PKM: variants seen among roughly 807,000 people sequenced by gnomAD.
PKM encodes pyruvate kinase PKM.
PKM carries 18 observed loss-of-function variants against 49.8 expected under a neutral mutation model. That is an observed-to-expected ratio of 0.36 (90% CI 0.25 to 0.54). The LOEUF is 0.54. Among genes scored for constraint, PKM ranks in the 20% least tolerant of loss-of-function variants. PKM has a pLI of 0.89. For missense variants in PKM, 508 were observed against 713.8 expected, an observed-to-expected ratio of 0.71 and a Z score of 3.28; for synonymous variants, 239 against 261.8, an observed-to-expected ratio of 0.91 and a Z score of 0.84.
chr15:72,200,095 GC>G lies in PKM; in HGVS notation c.1490-340del, dbSNP rs1426583916. Among the ~76,000 whole-genome samples the G allele has an allele frequency of 1.3e-5, 2 of 151,782 alleles. No homozygotes were observed. The highest frequency in any genetic ancestry group is 1.9e-4 in the East Asian group (1 of 5,176). On this transcript the variant is annotated intron_variant, in intron 10 of 10. Coordinates refer to ENST00000335181, the MANE Select transcript of PKM (RefSeq NM_002654.6). The surrounding 1 kb of genome is among the most constrained non-coding windows in gnomAD (Gnocchi z 4.6). Reference sequence around the variant, plus strand: ...CCACATCAGTACGTAATCTGTGTATGCCACCCCACAGCACAGGAGCTGTGGC... The same window carrying G: ...CCACATCAGTACGTAATCTGTGTATGCACCCCACAGCACAGGAGCTGTGGC...
intron 1 of PKM, among the ~76,000 whole-genome samples, chr15:72,227,429 C>T (rs2082702673): frequency 6.6e-6 from 1 of 152,166 alleles, no homozygotes. Context: ...GCCAAGATAA[C>T]ACATCCTGAC....
chr15:72,230,973 T>A, intron 1 of PKM, 143 bp downstream of exon 1: 1 of 1,285,312 alleles, frequency 7.8e-7, no homozygotes, highest in Non-Finnish European at 1.0e-6. Context: ...CTCCTCTCTC[T>A]GAGCTCCACT....
At position 72,210,421 on chromosome 15, in the gene PKM, G is replaced by C; in HGVS notation, c.304C>G (p.Pro102Ala). Residue 102 changes from proline to alanine, a missense_variant, in exon 4 of 11, where the codon CCC (proline) becomes GCC (alanine). Transcript: ENST00000335181. ...ACAGCAACGGGCCGGTAGAGGATGGGGTCAGAAGCAAAGCTTTCCGTGGCT... is the reference window on the plus strand; with the variant it reads ...ACAGCAACGGGCCGGTAGAGGATGGCGTCAGAAGCAAAGCTTTCCGTGGCT... ...RTATESFASD[P>A]ILYRPVAVAL... 3 of 1,614,108 alleles carry C rather than the reference G, an allele frequency of 1.9e-6. No individual in the cohort carries two copies. The South Asian group carries it at 3.3e-5, about 18-fold the overall frequency.
At chr15:72,201,893 C>T (rs2081954730) in intron 9 of PKM, 1 of 170,042 alleles carries the variant, frequency 5.9e-6, no homozygotes, top group Non-Finnish European at 1.3e-5. Context: ...GGAAGGGATC[C>T]CAAGTTGGAG....
At chr15:72,210,026 A>G in intron 4 of PKM, 167 bp from the exon 5 acceptor site, 1 of 682,120 alleles carries the variant, frequency 1.5e-6, no homozygotes, top group Middle Eastern at 3.7e-4. Context: ...TCACGGAAAT[A>G]ATCCAAGAAA....
At chr15:72,203,058 A>G (rs763572024) in intron 8 of PKM, 14 of 1,614,194 alleles carry the variant, frequency 8.7e-6, no homozygotes, top group Non-Finnish European at 1.2e-5. Flanking sequence ...AGCTGCTGCT[A>G]AACACTTATA....
chr15:72,216,740 T>A (rs8033167), intron 3 of PKM, among the ~76,000 whole-genome samples: 1 of 152,202 alleles, frequency 6.6e-6, no homozygotes, highest in Non-Finnish European at 1.5e-5. Flanking sequence ...AGCTGCTACC[T>A]GGCTCCTGGG....
Position 72,210,391 on chromosome 15 carries a change from G to C in PKM, c.334C>G (p.Leu112Val), listed in dbSNP as rs1237034712. 8 of 1,614,174 alleles carry C rather than the reference G, an allele frequency of 5.0e-6. No individual in the cohort carries two copies. The highest frequency in any genetic ancestry group is 1.7e-5 in the Admixed American group (1 of 60,026). Residue 112 changes from leucine to valine, a missense_variant, in exon 4 of 11, where the codon CTA becomes GTA. Coordinates refer to ENST00000335181, the MANE Select transcript of PKM (RefSeq NM_002654.6). The stretch of plus-strand genomic sequence containing the variant: ...CGGATCTCAGGTCCTTTAGTGTCTA[G>C]AGCCACAGCAACGGGCCGGTAGAGG... ...PILYRPVAVA[L>V]DTKGPEIRTG...
chr15:72,230,820 T>C, intron 1 of PKM: 1 of 667,024 alleles, frequency 1.5e-6, no homozygotes, highest in Non-Finnish European at 2.2e-6. Flanking sequence ...GGAGGCGCAT[T>C]GAGGATTGGG....
intron 3 of PKM, among the ~76,000 whole-genome samples, chr15:72,212,362 CT>C (rs2082275468): frequency 1.3e-5 from 2 of 151,866 alleles, no homozygotes; most frequent in South Asian, 4.2e-4. Flanking sequence ...GTAGTCCCAG[CT>C]ATTCAGGAGG....
intron 8 of PKM, among the ~76,000 whole-genome samples, chr15:72,205,963 AG>A (rs762163824): frequency 1.7e-4 from 26 of 152,206 alleles, no homozygotes; most frequent in Non-Finnish European, 2.8e-4. Flanking sequence ...ACAAGCTGGA[AG>A]AGCCTGAAGA....
intron 2 of PKM, among the ~76,000 whole-genome samples, chr15:72,218,212 C>T (rs1400772537): frequency 6.6e-6 from 1 of 151,852 alleles, no homozygotes; most frequent in Non-Finnish European, 1.5e-5. Flanking sequence ...GCAACCTCCG[C>T]CTCCCAGGTT....
At chr15:72,225,534 T>A (rs894841936) in intron 1 of PKM, among the ~76,000 whole-genome samples, 55 of 152,286 alleles carry the variant, frequency 3.6e-4, no homozygotes, top group Admixed American at 1.0e-3. Flanking sequence ...ATCCTTCCAG[T>A]TCACTGAAGT....
At chr15:72,209,340 G>A (rs1447223765) in intron 5 of PKM, among the ~76,000 whole-genome samples, 1 of 148,240 alleles carries the variant, frequency 6.7e-6, no homozygotes, top group Non-Finnish European at 1.5e-5. Context: ...CTGCACTCCA[G>A]CCTGGGCAAC....
In PKM at chr15:72,200,431, C is replaced by A. The variant is rs752947742; in HGVS notation, c.1489+43G>T. 1 of 1,595,660 alleles carries A rather than the reference C, an allele frequency of 6.3e-7. No homozygotes were observed. Among genetic ancestry groups the A allele is most frequent in the Admixed American group, 1.7e-5 (1 of 59,972 alleles). ...CCCACAGAAGCCAATGCTCAAGCAT[C>A]CCCAAGCTCCTCTAGGCTCTAGCCC... On this transcript the variant is annotated intron_variant, in intron 10 of 10. Coordinates refer to ENST00000335181, the MANE Select transcript of PKM (RefSeq NM_002654.6). The surrounding 1 kb of genome is among the most constrained non-coding windows in gnomAD (Gnocchi z 4.6).
chr15:72,220,457 C>T (rs2140759979), intron 1 of PKM, among the ~76,000 whole-genome samples: 1 of 152,294 alleles, frequency 6.6e-6, no homozygotes, highest in Non-Finnish European at 1.5e-5. Context: ...CGCTGAGGTC[C>T]AAGGAGCTCT....
At chr15:72,211,876 A>T (rs4777493) in intron 3 of PKM, among the ~76,000 whole-genome samples, 144,384 of 151,982 alleles carry the variant, frequency 0.95, 69,034 homozygotes, top group East Asian at 1. Context: ...GTCATCAATA[A>T]GACATTAGCG....
chr15:72,208,334 A>G (rs1212966183), intron 6 of PKM, among the ~76,000 whole-genome samples: 1 of 152,086 alleles, frequency 6.6e-6, no homozygotes, highest in Non-Finnish European at 1.5e-5. Flanking sequence ...TGGTCCTGTG[A>G]GCAGTGACCC....
At chr15:72,214,520 G>C (rs2140711614) in intron 3 of PKM, among the ~76,000 whole-genome samples, 1 of 152,308 alleles carries the variant, frequency 6.6e-6, no homozygotes, top group East Asian at 1.9e-4. Flanking sequence ...TCTAGGCCAG[G>C]TGTGGTGGCT....
Sources: allele counts gnomAD v4.1 joint callset (sites outside exome capture counted in the v4.1 genomes callset), GRCh38; gene constraint gnomAD v4.1.1; non-coding constraint Gnocchi (gnomAD v3.1); transcripts MANE v1.5; gene names NCBI Gene and HGNC (gene_info 2026-07-23, HGNC 2026-07-21).